The following TMEM132B variants were observed in gnomAD, a reference collection of about 807,000 sequenced individuals.
TMEM132B encodes transmembrane protein 132B.
A neutral mutation model predicts 90.8 loss-of-function variants in TMEM132B; 18 were observed. The observed-to-expected ratio is 0.20, with a 90% CI of 0.14 to 0.29. The LOEUF (loss-of-function observed/expected upper bound fraction) is 0.29, where lower values mean the gene tolerates loss of function less well. Ranked by LOEUF, TMEM132B falls within the 10% of genes least tolerant of loss-of-function variation. TMEM132B has a pLI of 1.00. For synonymous variants in TMEM132B, 504 were observed against 523.3 expected, an observed-to-expected ratio of 0.96 and a Z score of 0.50; for missense variants, 1,096 against 1,326.8, an observed-to-expected ratio of 0.83 and a Z score of 2.70.
chr12:125,208,360 A>G (rs552327796), intron 1 of TMEM132B, among the ~76,000 whole-genome samples: 1 of 152,332 alleles, frequency 6.6e-6, no homozygotes, highest in Admixed American at 6.5e-5. Flanking sequence ...GTTCATTCAC[A>G]GTGTTGTGCA....
At chr12:125,297,429 C>A (rs1312672849) in intron 1 of TMEM132B, among the ~76,000 whole-genome samples, 1 of 152,188 alleles carries the variant, frequency 6.6e-6, no homozygotes, top group Non-Finnish European at 1.5e-5. Context: ...AAATGGCCAG[C>A]CTTCTGGCTT....
intron 5 of TMEM132B, among the ~76,000 whole-genome samples, chr12:125,641,072 C>G (rs1271675494): frequency 2.0e-5 from 3 of 152,142 alleles, no homozygotes; most frequent in Non-Finnish European, 2.9e-5. Context: ...CAGATTCTGT[C>G]CTACTGGATC....
intron 1 of TMEM132B, chr12:125,326,506 G>A (rs1876570336): frequency 8.3e-7 from 1 of 1,205,780 alleles, no homozygotes; most frequent in Admixed American, 2.0e-5. Context: ...CTGGCAACCT[G>A]TATAGTAAAC....
At chr12:125,325,934 TG>T (rs772046483) in intron 1 of TMEM132B, among the ~76,000 whole-genome samples, 48 of 152,166 alleles carry the variant, frequency 3.2e-4, no homozygotes, top group Non-Finnish European at 5.4e-4. Context: ...GCTTGGACTG[TG>T]TGAGGACCGA....
At position 125,406,107 on chromosome 12, in the gene TMEM132B, C is replaced by T. The variant is rs1012609303; in HGVS notation, c.960-9424C>T. Among the ~76,000 whole-genome samples the T allele has an allele frequency of 1.2e-4, 18 of 152,212 alleles. No individual in the cohort carries two copies. Among genetic ancestry groups the T allele is most frequent in the Admixed American group, 5.2e-4 (8 of 15,296 alleles). On this transcript the variant is annotated intron_variant, in intron 2 of 8. Transcript: ENST00000682704. The surrounding 1 kb of genome is among the most constrained non-coding windows in gnomAD (Gnocchi z 8.3). ...CTGTGGGCTGTTTGGTTAACTCAAA[C>T]GTTAGTAGATATGCTTAACTAGATC...
In TMEM132B at chr12:125,536,287, C is replaced by T. The variant is rs756221955; in HGVS notation, c.1293+16662C>T. 3.3e-5 allele frequency among the ~76,000 whole-genome samples: 5 copies of T among 152,322 alleles called. No individual in the cohort carries two copies. In the East Asian group the frequency reaches 5.8e-4, roughly 18 times the overall value. ...CTTAAGAGGCGCCATCTCCCAGGGA[C>T]GATGCCATCCATCTGAATTTCCCAA... On this transcript the variant is annotated intron_variant, in intron 4 of 8. Coordinates refer to ENST00000682704, the MANE Select transcript of TMEM132B (RefSeq NM_001366854.1).
At chr12:125,446,995 T>C (rs1277360881) in intron 3 of TMEM132B, among the ~76,000 whole-genome samples, 2 of 152,258 alleles carry the variant, frequency 1.3e-5, no homozygotes, top group African/African-American at 4.8e-5. Context: ...CTGTGCTTTT[T>C]GTCTTAAAAT....
At chr12:125,443,978 G>C (rs935272653) in intron 3 of TMEM132B, among the ~76,000 whole-genome samples, 19 of 151,964 alleles carry the variant, frequency 1.3e-4, no homozygotes, top group African/African-American at 4.1e-4. Context: ...CCTTCACAAT[G>C]GTGGGGAAAC....
rs141283092 is a variant in TMEM132B, at chr12:125,288,869, G to T, written c.68-60583G>T. Among the ~76,000 whole-genome samples the T allele has an allele frequency of 1.7e-4, 26 of 152,272 alleles. No individual in the cohort carries two copies. The East Asian group carries it at 3.7e-3, about 22-fold the overall frequency. ...TTAGGGGTATTCCTCACAGTGGGGT[G>T]CTGGGTGGGAGTTTTCTTGTAAATT... On this transcript the variant is annotated intron_variant, in intron 1 of 8. Coordinates refer to ENST00000682704, the MANE Select transcript of TMEM132B (RefSeq NM_001366854.1).
chr12:125,345,101 A>G (rs1364550413), intron 1 of TMEM132B, among the ~76,000 whole-genome samples: 1 of 152,106 alleles, frequency 6.6e-6, no homozygotes. Flanking sequence ...ACAGACCAGT[A>G]AGGAGTTTCT....
chr12:125,213,060 G>A lies in TMEM132B; in HGVS notation c.67+26194G>A, dbSNP rs960517313. 3.9e-5 allele frequency among the ~76,000 whole-genome samples: 6 copies of A among 152,140 alleles called. No individual in the cohort carries two copies. Among genetic ancestry groups the A allele is most frequent in the Non-Finnish European group, 7.4e-5 (5 of 68,022 alleles). On this transcript the variant is annotated intron_variant, in intron 1 of 8. Coordinates refer to ENST00000682704, the MANE Select transcript of TMEM132B (RefSeq NM_001366854.1). The surrounding 1 kb of genome is among the most constrained non-coding windows in gnomAD (Gnocchi z 4.2). The stretch of plus-strand genomic sequence containing the variant: ...TTTCATCCTCCCAAATGGAAGTCCC[G>A]TACCCACTAGCGGTCACTCCCTACT...
At chr12:125,364,637 C>T (rs539836267) in intron 2 of TMEM132B, among the ~76,000 whole-genome samples, 4 of 152,222 alleles carry the variant, frequency 2.6e-5, no homozygotes, top group Admixed American at 2.0e-4. Flanking sequence ...GATATAAGAA[C>T]ATGGTATATT....
chr12:125,469,401 G>A (rs563001693), intron 3 of TMEM132B, among the ~76,000 whole-genome samples: 1 of 152,228 alleles, frequency 6.6e-6, no homozygotes, highest in South Asian at 2.1e-4. Flanking sequence ...CATACAGTTG[G>A]TCAATACATA....
chr12:125,295,221 A>G lies in TMEM132B; in HGVS notation c.68-54231A>G, dbSNP rs568018461. ...ATTATCTTGTGCTTCTGTTCTGACA[A>G]GTCACCTGGGAGAGCACTCCGTGGC... On this transcript the variant is annotated intron_variant, in intron 1 of 8. Transcript: ENST00000682704. Among the ~76,000 whole-genome samples, 10 of 152,366 alleles carry G rather than the reference A, an allele frequency of 6.6e-5. 1 individual carries two copies. In the East Asian group the frequency reaches 1.9e-3, roughly 29 times the overall value.
rs558256963 is a variant in TMEM132B at position 125,560,144 on chromosome 12, GC to G, written c.1294-23706del. Among the ~76,000 whole-genome samples the G allele has an allele frequency of 3.3e-3, 510 of 152,298 alleles. 4 individuals are homozygous for G. The highest frequency in any genetic ancestry group is 0.011 in the African/African-American group (469 of 41,564). ...AAAGCCCCATCTGATTGGTCCAGCT[GC>G]AGTCATGTGCTGGAACGTGAACCAA... On this transcript the variant is annotated intron_variant, in intron 4 of 8. Transcript: ENST00000682704.
chr12:125,339,462 A>G (rs981221116), intron 1 of TMEM132B, among the ~76,000 whole-genome samples: 2 of 152,228 alleles, frequency 1.3e-5, no homozygotes. Context: ...GAGCAAGGAC[A>G]GCATGAAAAG....
intron 3 of TMEM132B, among the ~76,000 whole-genome samples, chr12:125,472,924 C>T (rs1881762354): frequency 6.6e-6 from 1 of 152,146 alleles, no homozygotes; most frequent in Non-Finnish European, 1.5e-5. Context: ...TTTGTGAGTC[C>T]AGTTATGTTT....
At chr12:125,442,452 A>G (rs1880902565) in intron 3 of TMEM132B, among the ~76,000 whole-genome samples, 1 of 152,168 alleles carries the variant, frequency 6.6e-6, no homozygotes, top group African/African-American at 2.4e-5. Flanking sequence ...ATGCCCTGTC[A>G]TTTACTAGCT....
At chr12:125,593,577 T>C (rs570878513) in intron 5 of TMEM132B, among the ~76,000 whole-genome samples, 1 of 152,256 alleles carries the variant, frequency 6.6e-6, no homozygotes, top group East Asian at 1.9e-4. Context: ...GTCTGGGATA[T>C]CAGGCCTGAT....
Sources: allele counts gnomAD v4.1 joint callset (sites outside exome capture counted in the v4.1 genomes callset), GRCh38; gene constraint gnomAD v4.1.1; non-coding constraint Gnocchi (gnomAD v3.1); transcripts MANE v1.5; gene names NCBI Gene and HGNC (gene_info 2026-07-23, HGNC 2026-07-21).